The following SAMD5 variants were observed in gnomAD, a reference collection of about 807,000 sequenced individuals.
The protein encoded by SAMD5 is sterile alpha motif domain-containing protein 5.
In SAMD5, 13 loss-of-function variants were observed where a neutral mutation model predicts 11.3. The ratio of observed to expected loss-of-function variants is 1.15; its 90% CI spans 0.75 to 1.83. The LOEUF (loss-of-function observed/expected upper bound fraction) is 1.83. Ranked by LOEUF, SAMD5 falls within the 40% of genes most tolerant of loss-of-function variation. The probability of loss-of-function intolerance (pLI) is 0.00; values close to 1 mark genes in which losing one functional copy is unlikely to be tolerated. For synonymous variants in SAMD5, 129 were observed against 111.3 expected (o/e 1.16, Z -1.00); for missense variants, 255 against 239.1 (o/e 1.07, Z -0.44).
Position 147,550,398 on chromosome 6 carries a change from A to G in SAMD5, c.460-13996A>G, listed in dbSNP as rs148553431. Among the ~76,000 whole-genome samples the G allele has an allele frequency of 3.8e-3, 581 of 152,328 alleles. 4 individuals carry two copies. Among genetic ancestry groups the G allele is most frequent in the African/African-American group, 0.013 (545 of 41,586 alleles). On this transcript the variant is annotated intron_variant, in intron 1 of 1. Transcript: ENST00000367474. The stretch of plus-strand genomic sequence containing the variant: ...TACCATTTGATCCAGCAATCCTGCT[A>G]CTGGATATTTACCCAAAGGAAAAGA...
the SAMD5 span, among the ~76,000 whole-genome samples, chr6:147,799,640 C>G: frequency 6.6e-6 from 1 of 151,710 alleles, no homozygotes; most frequent in African/African-American, 2.4e-5. Flanking sequence ...GGGAAATTCT[C>G]CAGGATAATA....
At chr6:147,864,316 A>C in the SAMD5 span, among the ~76,000 whole-genome samples, 935 of 152,344 alleles carry the variant, frequency 6.1e-3, 6 homozygotes, top group Non-Finnish European at 0.01. Context: ...CTCTAAGTGT[A>C]CTTAAAGTGG....
intron 1 of SAMD5, among the ~76,000 whole-genome samples, chr6:147,534,900 A>G (rs1399015386): frequency 6.6e-6 from 1 of 152,218 alleles, no homozygotes; most frequent in Admixed American, 6.5e-5. Flanking sequence ...CTGCTTTGGG[A>G]CAGGGCTGTT....
At chr6:147,697,356 G>A (rs1791190890) in intron 1 of SAMD5, among the ~76,000 whole-genome samples, 2 of 152,152 alleles carry the variant, frequency 1.3e-5, no homozygotes, top group African/African-American at 2.4e-5. Context: ...CTTGTGGAAT[G>A]GTTCCCTGCA....
intron 1 of SAMD5, among the ~76,000 whole-genome samples, chr6:147,526,797 T>A (rs1005831153): frequency 1.1e-4 from 16 of 148,968 alleles, no homozygotes; most frequent in African/African-American, 3.7e-4. Context: ...AGTGGTCCAC[T>A]TTGGGCGGCA....
intron 1 of SAMD5, among the ~76,000 whole-genome samples, chr6:147,540,157 C>A (rs1583073951): frequency 1.3e-5 from 2 of 151,854 alleles, no homozygotes; most frequent in South Asian, 4.2e-4. Context: ...AAATTTAAGA[C>A]TGCGAATCAG....
intron 1 of SAMD5, among the ~76,000 whole-genome samples, chr6:147,627,353 T>C (rs1332189898): frequency 6.6e-6 from 1 of 152,128 alleles, no homozygotes; most frequent in Non-Finnish European, 1.5e-5. Flanking sequence ...GAGATAAACA[T>C]TTTTGTGTAG....
intron 1 of SAMD5, among the ~76,000 whole-genome samples, chr6:147,628,741 G>A (rs572341874): frequency 9.9e-4 from 150 of 152,174 alleles, no homozygotes; most frequent in African/African-American, 3.3e-3. Flanking sequence ...TGGGAATAGG[G>A]GAGAGGCCAC....
At chr6:147,546,999 T>C (rs1249980338) in intron 1 of SAMD5, among the ~76,000 whole-genome samples, 1 of 152,204 alleles carries the variant, frequency 6.6e-6, no homozygotes, top group African/African-American at 2.4e-5. Context: ...CTGGGCAGCG[T>C]TGGCGTTTCC....
the SAMD5 span, among the ~76,000 whole-genome samples, chr6:147,836,790 C>T: frequency 6.6e-6 from 1 of 152,186 alleles, no homozygotes; most frequent in Non-Finnish European, 1.5e-5. Context: ...TATCTTCTGT[C>T]TGTATACCTC....
intron 1 of SAMD5, among the ~76,000 whole-genome samples, chr6:147,624,964 C>T (rs149619248): frequency 1.7e-4 from 26 of 152,044 alleles, no homozygotes; most frequent in Non-Finnish European, 3.8e-4. Flanking sequence ...AAAATTAAAA[C>T]AAACAATAAA....
At chr6:147,909,404 A>G in the SAMD5 span, among the ~76,000 whole-genome samples, 2 of 152,316 alleles carry the variant, frequency 1.3e-5, no homozygotes, top group Non-Finnish European at 2.9e-5. Flanking sequence ...AAATGTTTAC[A>G]TGGTAGTTTC....
chr6:147,859,755 T>C, the SAMD5 span, among the ~76,000 whole-genome samples: 2 of 151,988 alleles, frequency 1.3e-5, no homozygotes, highest in Non-Finnish European at 2.9e-5. Context: ...GGGTTTTTTG[T>C]TTGTTTGTTT....
chr6:147,604,195 C>A (rs1394803263), intron 1 of SAMD5, among the ~76,000 whole-genome samples: 4 of 138,670 alleles, frequency 2.9e-5, no homozygotes, highest in Non-Finnish European at 4.5e-5. Context: ...TTACTTTTTA[C>A]ATCAATGTAC....
At chr6:147,799,167 T>C in the SAMD5 span, among the ~76,000 whole-genome samples, 2 of 152,080 alleles carry the variant, frequency 1.3e-5, no homozygotes, top group Non-Finnish European at 2.9e-5. Flanking sequence ...CTAGTCTCGA[T>C]GGTCTTTACA....
the SAMD5 span, among the ~76,000 whole-genome samples, chr6:147,846,059 A>T: frequency 6.6e-6 from 1 of 152,130 alleles, no homozygotes; most frequent in African/African-American, 2.4e-5. Context: ...GGAATGAATG[A>T]TCGATACACA....
intron 1 of SAMD5, among the ~76,000 whole-genome samples, chr6:147,690,788 T>A (rs1791089777): frequency 6.6e-6 from 1 of 152,184 alleles, no homozygotes; most frequent in African/African-American, 2.4e-5. Context: ...CTTCTCTGAA[T>A]TTTATGTTTC....
At chr6:147,663,903 A>T (rs1437484090) in intron 1 of SAMD5, among the ~76,000 whole-genome samples, 3 of 142,152 alleles carry the variant, frequency 2.1e-5, no homozygotes, top group Admixed American at 7.1e-5. Flanking sequence ...TTACATGTAA[A>T]TTTTTTTTTT....
the SAMD5 span, among the ~76,000 whole-genome samples, chr6:147,750,837 G>A: frequency 6.6e-6 from 1 of 152,196 alleles, no homozygotes; most frequent in Admixed American, 6.5e-5. Context: ...CAAGAGAATA[G>A]CTTGAACCCG....
Sources: gnomAD v4.1 joint callset for allele counts (sites outside exome capture counted in the v4.1 genomes callset) on GRCh38, gnomAD v4.1.1 for gene constraint, MANE v1.5 for transcripts, NCBI Gene and HGNC (gene_info 2026-07-23, HGNC 2026-07-21) for gene names.